The following PRKAG2 variants were observed in gnomAD, a reference collection of about 807,000 sequenced individuals.
PRKAG2 encodes 5'-AMP-activated protein kinase subunit gamma-2.
Under a neutral mutation model 69.6 loss-of-function variants are expected in PRKAG2, and 26 were observed. The observed-to-expected ratio is 0.37, with a 90% CI of 0.27 to 0.52. The LOEUF (loss-of-function observed/expected upper bound fraction) is 0.52, where lower values mean the gene tolerates loss of function less well. Ranked by LOEUF, PRKAG2 falls within the 20% of genes least tolerant of loss-of-function variation. The pLI, the probability that PRKAG2 is intolerant of heterozygous loss-of-function variation, is 0.90. For missense variants in PRKAG2, 557 were observed against 740.0 expected (o/e 0.75, Z 2.87); for synonymous variants, 293 against 285.0 (o/e 1.03, Z -0.28).
In PRKAG2 at chr7:151,565,805, G is replaced by A. The variant is rs1563145514; in HGVS notation, c.1314C>T (p.Phe438=). 1 of 1,612,112 alleles carries A rather than the reference G, an allele frequency of 6.2e-7. No homozygotes were observed. Among genetic ancestry groups the A allele is most frequent in the Non-Finnish European group, 8.5e-7 (1 of 1,178,134 alleles). ...LGIGTYHNIA[F]IHPDTPIIKA... is the part of the protein sequence containing the mutation. ...TGATGATGGGAGTGTCTGGATGTAT[G>A]AAGGCAATGTTGTGGTACGTTCCTA... Residue 438 remains phenylalanine, a synonymous_variant, in exon 12 of 16, where the codon TTC becomes TTT. Transcript: ENST00000287878.
intron 3 of PRKAG2, among the ~76,000 whole-genome samples, chr7:151,678,540 G>A (rs1231733011): frequency 6.6e-6 from 1 of 152,194 alleles, no homozygotes; most frequent in African/African-American, 2.4e-5. Flanking sequence ...TGAGCAGTGT[G>A]AGTGGAAAGC....
chr7:151,758,809 A>G (rs1270968261), intron 3 of PRKAG2, among the ~76,000 whole-genome samples: 1 of 152,190 alleles, frequency 6.6e-6, no homozygotes, highest in East Asian at 1.9e-4. Flanking sequence ...GAGACTTAAA[A>G]TAACAGCTAT....
intron 3 of PRKAG2, among the ~76,000 whole-genome samples, chr7:151,698,429 G>A (rs970478364): frequency 2.6e-5 from 4 of 152,138 alleles, no homozygotes; most frequent in African/African-American, 4.8e-5. Flanking sequence ...CGACCCCCGA[G>A]TTGAAGGTGG....
chr7:151,753,269 T>G (rs901367691), intron 3 of PRKAG2, among the ~76,000 whole-genome samples: 2 of 152,240 alleles, frequency 1.3e-5, no homozygotes, highest in Non-Finnish European at 2.9e-5. Context: ...GAATGAAGCC[T>G]GCAGCTTAGC....
At chr7:151,728,932 C>G (rs1798447584) in intron 3 of PRKAG2, among the ~76,000 whole-genome samples, 2 of 152,112 alleles carry the variant, frequency 1.3e-5, no homozygotes, top group African/African-American at 2.4e-5. Context: ...GAAAGGGGCA[C>G]TTGACCGTGA....
chr7:151,744,396 T>C (rs1014121565), intron 3 of PRKAG2, among the ~76,000 whole-genome samples: 2 of 152,110 alleles, frequency 1.3e-5, no homozygotes. Context: ...ACACCATGGT[T>C]GGTGCCTAGC....
chr7:151,641,132 G>C (rs1170236782), intron 4 of PRKAG2, among the ~76,000 whole-genome samples: 1 of 152,076 alleles, frequency 6.6e-6, no homozygotes, highest in Admixed American at 6.6e-5. Flanking sequence ...GATTCTATCT[G>C]AGGACCAAAG....
At chr7:151,658,093 G>A (rs1022751807) in intron 4 of PRKAG2, among the ~76,000 whole-genome samples, 3 of 151,694 alleles carry the variant, frequency 2.0e-5, no homozygotes, top group Non-Finnish European at 2.9e-5. Flanking sequence ...GGGAGGCGGA[G>A]ATTGCAGTGA....
intron 5 of PRKAG2, among the ~76,000 whole-genome samples, chr7:151,596,544 T>C (rs1563216605): frequency 6.6e-6 from 1 of 151,552 alleles, no homozygotes; most frequent in Non-Finnish European, 1.5e-5. Flanking sequence ...AGGTCAGGAG[T>C]TTGAGACCAG....
intron 3 of PRKAG2, among the ~76,000 whole-genome samples, chr7:151,678,004 A>G (rs533662870): frequency 2.9e-4 from 44 of 152,222 alleles, no homozygotes; most frequent in African/African-American, 1.1e-3. Context: ...GGTCTGGACA[A>G]GGCTGCGTCA....
At chr7:151,657,822 T>C (rs1382832905) in intron 4 of PRKAG2, among the ~76,000 whole-genome samples, 5 of 152,190 alleles carry the variant, frequency 3.3e-5, no homozygotes, top group African/African-American at 1.2e-4. Context: ...CAAATGCTTG[T>C]TTTTATTTGT....
intron 3 of PRKAG2, among the ~76,000 whole-genome samples, chr7:151,681,923 A>C (rs1833944824): frequency 6.6e-6 from 1 of 152,168 alleles, no homozygotes; most frequent in African/African-American, 2.4e-5. Context: ...CTGCAGAGGG[A>C]AAGAAGAGGT....
chr7:151,608,732 A>G (rs1818082006), intron 5 of PRKAG2, among the ~76,000 whole-genome samples: 1 of 152,170 alleles, frequency 6.6e-6, no homozygotes, highest in South Asian at 2.1e-4. Context: ...TAACCAGTAT[A>G]AAAAAACAAA....
In PRKAG2 at chr7:151,568,738, A is replaced by T; in HGVS notation, c.1211T>A (p.Ile404Asn). The T allele has an allele frequency of 1.9e-6, 3 of 1,613,954 alleles. No homozygotes were observed. Among genetic ancestry groups the T allele is most frequent in the Non-Finnish European group, 2.5e-6 (3 of 1,179,860 alleles). The change falls in exon 11 of 16, where the codon ATC (isoleucine) becomes AAC (asparagine). Residue 404 changes from isoleucine (I) to asparagine (N), a missense_variant. Coordinates refer to ENST00000287878, the MANE Select transcript of PRKAG2 (RefSeq NM_016203.4). ...NALYILTHKRILKFLQLFMSD... is the reference protein window; with the variant it reads ...NALYILTHKRNLKFLQLFMSD... Reference sequence around the variant, plus strand: ...TACAAAAAGCTGGAGGAACTTGAGGATTCTTTTGTGGGTAAGTATATAAAG... The same window carrying T: ...TACAAAAAGCTGGAGGAACTTGAGGTTTCTTTTGTGGGTAAGTATATAAAG...
intron 4 of PRKAG2, among the ~76,000 whole-genome samples, chr7:151,660,096 G>T: frequency 6.6e-6 from 1 of 152,200 alleles, no homozygotes; most frequent in Non-Finnish European, 1.5e-5. Flanking sequence ...CCTACATTCC[G>T]GAAAAGAATA....
chr7:151,813,253 C>T (rs572149714), intron 1 of PRKAG2, among the ~76,000 whole-genome samples: 1 of 152,324 alleles, frequency 6.6e-6, no homozygotes, highest in South Asian at 2.1e-4. Flanking sequence ...CATCTTCCAA[C>T]ACCTACAATC....
chr7:151,745,460 C>A (rs911460608), intron 3 of PRKAG2, among the ~76,000 whole-genome samples: 9 of 152,340 alleles, frequency 5.9e-5, no homozygotes, highest in African/African-American at 2.2e-4. Flanking sequence ...CTGCGGAGCA[C>A]CCTCTGCCCT....
chr7:151,722,068 A>G (rs192957162), intron 3 of PRKAG2, among the ~76,000 whole-genome samples: 2 of 152,240 alleles, frequency 1.3e-5, no homozygotes, highest in African/African-American at 4.8e-5. Context: ...GCATGTGAAT[A>G]TGATGGATGT....
intron 3 of PRKAG2, among the ~76,000 whole-genome samples, chr7:151,723,017 C>T (rs1797364592): frequency 6.6e-6 from 1 of 152,166 alleles, no homozygotes; most frequent in Non-Finnish European, 1.5e-5. Flanking sequence ...AGCCTGCCCA[C>T]TCCTCCCCTC....
Sources: gnomAD v4.1 joint callset for allele counts (sites outside exome capture counted in the v4.1 genomes callset) on GRCh38, gnomAD v4.1.1 for gene constraint, MANE v1.5 for transcripts, NCBI Gene and HGNC (gene_info 2026-07-23, HGNC 2026-07-21) for gene names.